Variants in GABPB1 observed in about 807,000 individuals in gnomAD.
GABPB1 encodes GA binding protein transcription factor subunit beta 1.
In GABPB1, 15 loss-of-function variants were observed where a neutral mutation model predicts 45.9. The observed-to-expected ratio is 0.33, with a 90% CI of 0.22 to 0.50. GABPB1 has a LOEUF of 0.50. Among genes scored for constraint, GABPB1 ranks in the 20% least tolerant of loss-of-function variants. The pLI is 0.98. For missense variants in GABPB1, 252 were observed against 457.5 expected (o/e 0.55, Z 4.10); for synonymous variants, 143 against 154.4 (o/e 0.93, Z 0.55).
At chr15:50,334,437 G>A (rs964221951) in intron 1 of GABPB1, among the ~76,000 whole-genome samples, 1 of 149,944 alleles carries the variant, frequency 6.7e-6, no homozygotes, top group Non-Finnish European at 1.5e-5. Context: ...TTTTTCTGAT[G>A]TGTCCAATCT....
At chr15:50,348,139 T>C (rs1478335849) in intron 1 of GABPB1, among the ~76,000 whole-genome samples, 3 of 152,016 alleles carry the variant, frequency 2.0e-5, no homozygotes, top group South Asian at 4.1e-4. Context: ...AATTGGGTTA[T>C]AGGAATGCTC....
In GABPB1 at chr15:50,300,820, A is replaced by C; in HGVS notation, c.666T>G (p.Ser222=). ...TTTCTGAAGAATTGGACAATGGAGCAGATGCTTCAGCTAAGGCAGCTAATG... is the reference window on the plus strand; with the variant it reads ...TTTCTGAAGAATTGGACAATGGAGCCGATGCTTCAGCTAAGGCAGCTAATG... ...LATLAALAEA[S]APLSNSSETP... Residue 222 remains serine, a synonymous_variant, in exon 6 of 9, where the codon TCT becomes TCG. Transcript: ENST00000380877. The C allele has an allele frequency of 6.2e-7, 1 of 1,611,524 alleles. No individual in the cohort carries two copies. Among genetic ancestry groups the C allele is most frequent in the Non-Finnish European group, 8.5e-7 (1 of 1,177,600 alleles).
intron 6 of GABPB1, 100 bp from the exon 7 acceptor site, chr15:50,289,768 T>A: frequency 2.6e-6 from 2 of 766,220 alleles, no homozygotes; most frequent in Non-Finnish European, 3.9e-6. Flanking sequence ...TGCTTCTTTC[T>A]TTTCTTTTTT....
chr15:50,331,050 G>A (rs2047931771), intron 1 of GABPB1, among the ~76,000 whole-genome samples: 1 of 152,172 alleles, frequency 6.6e-6, no homozygotes, highest in Non-Finnish European at 1.5e-5. Context: ...CAAACCTAGG[G>A]AGGATCCAAA....
intron 6 of GABPB1, among the ~76,000 whole-genome samples, chr15:50,294,258 G>A (rs1358748990): frequency 6.6e-6 from 1 of 152,216 alleles, no homozygotes; most frequent in African/African-American, 2.4e-5. Context: ...GCTCATGCCT[G>A]TAATCTCAGC....
chr15:50,303,585 G>A (rs1012520102), intron 3 of GABPB1, among the ~76,000 whole-genome samples: 1 of 151,954 alleles, frequency 6.6e-6, no homozygotes, highest in Non-Finnish European at 1.5e-5. Context: ...GGGAGGCTGA[G>A]GCAGGAGAAT....
intron 1 of GABPB1, among the ~76,000 whole-genome samples, chr15:50,332,921 A>C (rs1397369406): frequency 1.3e-5 from 2 of 151,886 alleles, no homozygotes; most frequent in Non-Finnish European, 2.9e-5. Context: ...TTTACCTTTA[A>C]TTTACTCTTC....
intron 1 of GABPB1, among the ~76,000 whole-genome samples, chr15:50,324,638 G>T (rs967297028): frequency 7.0e-6 from 1 of 142,552 alleles, no homozygotes; most frequent in Non-Finnish European, 1.5e-5. Flanking sequence ...TCCGCCTCCC[G>T]AGTTCAAGCA....
intron 6 of GABPB1, among the ~76,000 whole-genome samples, chr15:50,298,508 T>C (rs986951341): frequency 3.3e-5 from 5 of 152,246 alleles, no homozygotes; most frequent in African/African-American, 9.6e-5. Context: ...GATCCAGGCA[T>C]AGGTTATAAA....
chr15:50,282,918 G>A (rs2046033138), intron 8 of GABPB1, among the ~76,000 whole-genome samples: 1 of 152,132 alleles, frequency 6.6e-6, no homozygotes, highest in Non-Finnish European at 1.5e-5. Context: ...ACCCAGGCAT[G>A]GTGATGCATG....
chr15:50,351,731 G>A (rs537586614), intron 1 of GABPB1: 2 of 152,242 alleles, frequency 1.3e-5, no homozygotes, highest in East Asian at 3.9e-4. Context: ...ACTGACAGCT[G>A]ATTGCACCAA....
At chr15:50,294,750 T>A (rs2046456168) in intron 6 of GABPB1, among the ~76,000 whole-genome samples, 1 of 152,112 alleles carries the variant, frequency 6.6e-6, no homozygotes. Context: ...AAATTTCACT[T>A]TTAGGGAGAA....
chr15:50,325,624 G>A (rs1185391089), intron 1 of GABPB1, among the ~76,000 whole-genome samples: 7 of 149,292 alleles, frequency 4.7e-5, no homozygotes, highest in African/African-American at 1.5e-4. Context: ...CTCCGCCTCC[G>A]GGGTTCACAC....
In GABPB1 at chr15:50,354,805, C is replaced by G. The variant is rs770766895; in HGVS notation, c.-1+180G>C. 5.5e-4 allele frequency: 126 copies of G among 227,742 alleles called. 2 individuals carry two copies. Among genetic ancestry groups the G allele is most frequent in the Non-Finnish European group, 9.2e-4 (105 of 113,598 alleles). 14.1% of individuals were successfully genotyped at this position (227,742 alleles called of 1,614,324 possible). On this transcript the variant is annotated intron_variant, in intron 1 of 8. Transcript: ENST00000380877. ...CGGCGGCGCGGGCGCCCAGGCCGAC[C>G]CCGCCGACCCCCGCGGAATAAGCGG...
chr15:50,307,836 ATCAGT>A (rs746835893), intron 2 of GABPB1, among the ~76,000 whole-genome samples: 38 of 152,280 alleles, frequency 2.5e-4, no homozygotes, highest in South Asian at 8.3e-4. Flanking sequence ...GCCATCTTTC[ATCAGT>A]TCTGGAAAAT....
At chr15:50,286,319 C>G in intron 7 of GABPB1, 136 bp from the exon 8 acceptor site, 1 of 600,560 alleles carries the variant, frequency 1.7e-6, no homozygotes, top group Middle Eastern at 4.9e-4. Flanking sequence ...CATTGATTTG[C>G]TTTTTATGAG....
At chr15:50,304,218 T>TG in intron 2 of GABPB1, 85 bp from the exon 3 acceptor site, 1 of 1,159,748 alleles carries the variant, frequency 8.6e-7, no homozygotes, top group African/African-American at 1.6e-5. Flanking sequence ...TTTCTTTACA[T>TG]TATCTGTTTA....
chr15:50,334,206 AT>A (rs1210115102), intron 1 of GABPB1, among the ~76,000 whole-genome samples: 4 of 152,054 alleles, frequency 2.6e-5, no homozygotes, highest in African/African-American at 9.7e-5. Flanking sequence ...AAATTCTTGA[AT>A]TCTGGTTTGG....
chr15:50,350,418 T>C (rs1023196250), intron 1 of GABPB1: 1 of 148,380 alleles, frequency 6.7e-6, no homozygotes, highest in Admixed American at 6.8e-5. Context: ...AAAAAAAAAA[T>C]TCTTTAAAGG....
Sources: gnomAD v4.1 joint callset for allele counts (sites outside exome capture counted in the v4.1 genomes callset) on GRCh38, gnomAD v4.1.1 for gene constraint, MANE v1.5 for transcripts, NCBI Gene and HGNC (gene_info 2026-07-23, HGNC 2026-07-21) for gene names.